Variants in KIDINS220 observed in about 807,000 individuals in gnomAD.
KIDINS220 encodes kinase D interacting substrate 220.
A neutral mutation model predicts 157.6 loss-of-function variants in KIDINS220; 63 were observed. The ratio of observed to expected loss-of-function variants is 0.40; its 90% CI spans 0.33 to 0.49. The LOEUF (loss-of-function observed/expected upper bound fraction) is 0.49, where lower values mean the gene tolerates loss of function less well. Among genes scored for constraint, KIDINS220 ranks in the 20% least tolerant of loss-of-function variants. The pLI is 0.66. For missense variants in KIDINS220, 1,772 were observed against 2,171.2 expected, an observed-to-expected ratio of 0.82 and a Z score of 3.65; for synonymous variants, 732 against 783.6, an observed-to-expected ratio of 0.93 and a Z score of 1.10.
intron 1 of KIDINS220, among the ~76,000 whole-genome samples, chr2:8,829,778 G>A (rs997115910): frequency 1.3e-5 from 2 of 151,994 alleles, no homozygotes; most frequent in African/African-American, 4.8e-5. Flanking sequence ...TACATGTTCT[G>A]GAATGTGATG....
Position 8,730,076 on chromosome 2 carries a change from C to G in KIDINS220, c.*644G>C. On this transcript the variant is annotated 3_prime_UTR_variant, in exon 30 of 30. Transcript: ENST00000256707. ...CACCAGCCCTCCCCGCATCTACTCT[C>G]CTAACAGCTCAGGACAGCCCCGTCA... The G allele has an allele frequency of 1.0e-6, 1 of 985,592 alleles. No homozygotes were observed. Among genetic ancestry groups the G allele is most frequent in the Non-Finnish European group, 1.2e-6 (1 of 830,050 alleles). 61.1% of individuals were successfully genotyped at this position (985,592 alleles called of 1,614,324 possible). A position where few individuals can be genotyped will look rare whatever the true frequency, so the allele number is the denominator to read the frequency against.
At chr2:8,783,343 A>G (rs1671962730) in intron 17 of KIDINS220, among the ~76,000 whole-genome samples, 2 of 152,242 alleles carry the variant, frequency 1.3e-5, no homozygotes, top group African/African-American at 4.8e-5. Flanking sequence ...TCAACTTGAT[A>G]AAGAGTATCT....
intron 14 of KIDINS220, among the ~76,000 whole-genome samples, chr2:8,789,510 G>C (rs949484783): frequency 1.3e-5 from 2 of 152,124 alleles, no homozygotes; most frequent in South Asian, 2.1e-4. Context: ...GGATGGTCTC[G>C]ATCTCCTGAC....
intron 26 of KIDINS220, chr2:8,746,898 T>A: frequency 4.6e-6 from 2 of 436,040 alleles, no homozygotes; most frequent in East Asian, 7.2e-5. Flanking sequence ...TATTGAAGAA[T>A]AAAAAAAAAC....
chr2:8,820,109 AC>A (rs1317092639), intron 2 of KIDINS220, among the ~76,000 whole-genome samples: 1 of 152,176 alleles, frequency 6.6e-6, no homozygotes, highest in African/African-American at 2.4e-5. Flanking sequence ...CCAAGCTGAC[AC>A]AAACCCTGAG....
At chr2:8,733,212 A>G (rs1664396619) in intron 29 of KIDINS220, among the ~76,000 whole-genome samples, 1 of 152,168 alleles carries the variant, frequency 6.6e-6, no homozygotes, top group Admixed American at 6.5e-5. Flanking sequence ...CCTGATGGAT[A>G]TCTCAGCTCT....
At position 8,738,998 on chromosome 2, in the gene KIDINS220, C is replaced by T. The variant is rs912007529; in HGVS notation, c.3586-1999G>A. 5.9e-5 allele frequency among the ~76,000 whole-genome samples: 9 copies of T among 152,032 alleles called. No individual in the cohort carries two copies. In the East Asian group the frequency reaches 1.5e-3, roughly 26 times the overall value. On this transcript the variant is annotated intron_variant, in intron 26 of 29. Coordinates refer to ENST00000256707, the MANE Select transcript of KIDINS220 (RefSeq NM_020738.4). Reference sequence around the variant, plus strand: ...TCTCTACTTCCGATTGTGCTAAAAACGACAAGTATAATAGACACGGATCAA... The same window carrying T: ...TCTCTACTTCCGATTGTGCTAAAAATGACAAGTATAATAGACACGGATCAA...
chr2:8,828,022 G>A (rs887412933), intron 1 of KIDINS220, among the ~76,000 whole-genome samples: 1 of 152,186 alleles, frequency 6.6e-6, no homozygotes, highest in Admixed American at 6.5e-5. Context: ...GTCAGAGCAT[G>A]GCCTCTTTTA....
Position 8,785,921 on chromosome 2 carries a change from G to C in KIDINS220, c.2049C>G (p.Asp683Glu). Residue 683 changes from aspartate to glutamate, a missense_variant, in exon 17 of 30, where the codon GAC becomes GAG. Physicochemically the swap from Asp to Glu is conservative, Grantham distance 45 (BLOSUM62 2). Coordinates refer to ENST00000256707, the MANE Select transcript of KIDINS220 (RefSeq NM_020738.4). The part of the protein sequence containing the change: ...GITLLAIFRV[D>E]PKHLTVNAVL... ...CAGCATTTACAGTCAGATGCTTTGGGTCAACTCTAAATATAGCCAGAAGAG... is the reference window on the plus strand; with the variant it reads ...CAGCATTTACAGTCAGATGCTTTGGCTCAACTCTAAATATAGCCAGAAGAG... The C allele has an allele frequency of 6.2e-7, 1 of 1,614,110 alleles. No homozygotes were observed. Among genetic ancestry groups the C allele is most frequent in the Non-Finnish European group, 8.5e-7 (1 of 1,179,992 alleles).
At chr2:8,790,147 T>G in intron 13 of KIDINS220, 88 bp from the exon 14 acceptor site, 1 of 1,252,024 alleles carries the variant, frequency 8.0e-7, no homozygotes, top group South Asian at 1.5e-5. Context: ...ACATTTTCAA[T>G]GTAAACATTT....
intron 20 of KIDINS220, 58 bp from the exon 21 acceptor site, chr2:8,776,950 G>A: frequency 2.0e-6 from 3 of 1,537,322 alleles, no homozygotes; most frequent in Non-Finnish European, 2.6e-6. Flanking sequence ...AGAACTTAAG[G>A]CTTTTTGAGA....
intron 25 of KIDINS220, 51 bp downstream of exon 25, chr2:8,747,836 A>G (rs755131775): frequency 1.5e-5 from 17 of 1,169,768 alleles, no homozygotes; most frequent in South Asian, 1.5e-5. Context: ...CTCAAATGCT[A>G]TCTATGTTTA....
chr2:8,723,163 T>C (rs76251315), downstream of KIDINS220: 1 of 152,356 alleles, frequency 6.6e-6, no homozygotes, highest in Non-Finnish European at 1.5e-5. Context: ...CACAGTCACA[T>C]GGATTTCCCA....
intron 20 of KIDINS220, among the ~76,000 whole-genome samples, chr2:8,777,643 C>G (rs977748151): frequency 3.3e-5 from 5 of 152,124 alleles, no homozygotes; most frequent in South Asian, 2.1e-4. Flanking sequence ...TAAGGGACAG[C>G]CTCTCTAACT....
In KIDINS220 at chr2:8,731,181, C is replaced by A; in HGVS notation, c.4855G>T (p.Asp1619Tyr). Residue 1619 changes from aspartate (D) to tyrosine (Y), a missense_variant, in exon 30 of 30, where the codon GAT becomes TAT. By Grantham distance (160) the Asp-to-Tyr change is radical (BLOSUM62 -3). Coordinates refer to ENST00000256707, the MANE Select transcript of KIDINS220 (RefSeq NM_020738.4). This position sits in a 1 kb window ranked among gnomAD's most constrained non-coding sequence, Gnocchi z 5.2. ...CCCCGCTTTCCGCTGTGACTGTCAT[C>A]TTCCAGCTCTATGAGATTTGCCTTT... ...LEKANLIELE[D>Y]DSHSGKRGIP... The A allele has an allele frequency of 6.2e-7, 1 of 1,614,236 alleles. No individual in the cohort carries two copies. Among genetic ancestry groups the A allele is most frequent in the East Asian group, 2.2e-5 (1 of 44,882 alleles).
chr2:8,724,726 A>T (rs1663167269), downstream of KIDINS220: 1 of 152,306 alleles, frequency 6.6e-6, no homozygotes, highest in Non-Finnish European at 1.5e-5. This position sits in a 1 kb window ranked among gnomAD's most constrained non-coding sequence, Gnocchi z 4.6. Context: ...TCTCAGGCTC[A>T]GGGAATCCTC....
chr2:8,770,411 A>C (rs1208725678), intron 22 of KIDINS220, among the ~76,000 whole-genome samples: 1 of 152,094 alleles, frequency 6.6e-6, no homozygotes, highest in African/African-American at 2.4e-5. Flanking sequence ...GTTTCTAAAA[A>C]ATTTTTTAAA....
rs1265039534 is a variant in KIDINS220, at chr2:8,731,173, A to T, written c.4863T>A (p.Ser1621Arg). The change falls in exon 30 of 30, where the codon AGT becomes AGA. Residue 1621 changes from serine (S) to arginine (R), a missense_variant. Ser to Arg is a moderately radical substitution (Grantham distance 110). Around this residue, in one of 3 missense-constraint regions of KIDINS220, gnomAD observed 793 missense variants for 885.5 expected, o/e 0.90. Coordinates refer to ENST00000256707, the MANE Select transcript of KIDINS220 (RefSeq NM_020738.4). The surrounding 1 kb of genome is among the most constrained non-coding windows in gnomAD (Gnocchi z 5.2). Reference sequence around the variant, plus strand: ...GTGGGATTCCCCGCTTTCCGCTGTGACTGTCATCTTCCAGCTCTATGAGAT... The same window carrying T: ...GTGGGATTCCCCGCTTTCCGCTGTGTCTGTCATCTTCCAGCTCTATGAGAT... ...KANLIELEDD[S>R]HSGKRGIPHS... 1 of 1,614,174 alleles carries T rather than the reference A, an allele frequency of 6.2e-7. No individual in the cohort carries two copies. Among genetic ancestry groups the T allele is most frequent in the Non-Finnish European group, 8.5e-7 (1 of 1,180,028 alleles).
chr2:8,779,191 G>T, intron 18 of KIDINS220, 52 bp from the exon 19 acceptor site: 1 of 1,583,090 alleles, frequency 6.3e-7, no homozygotes, highest in Non-Finnish European at 8.6e-7. Context: ...TTGTCCAAAA[G>T]AATAAGGCAT....
Sources: allele counts gnomAD v4.1 joint callset (sites outside exome capture counted in the v4.1 genomes callset), GRCh38; gene constraint gnomAD v4.1.1; regional missense constraint gnomAD v4.1.1; non-coding constraint Gnocchi (gnomAD v3.1); transcripts MANE v1.5; gene names NCBI Gene and HGNC (gene_info 2026-07-23, HGNC 2026-07-21).